ZFHX3: variants seen among roughly 807,000 people sequenced by gnomAD.
The protein encoded by ZFHX3 is zinc finger homeobox protein 3.
A neutral mutation model predicts 279.1 loss-of-function variants in ZFHX3; 42 were observed. That is an observed-to-expected ratio of 0.15 (90% CI 0.12 to 0.19). The LOEUF (loss-of-function observed/expected upper bound fraction) is 0.19. Ranked by LOEUF, ZFHX3 falls within the 10% of genes least tolerant of loss-of-function variation. The pLI, the probability that ZFHX3 is intolerant of heterozygous loss-of-function variation, is 1.00. For synonymous variants in ZFHX3, 2,293 were observed against 1,957.8 expected (o/e 1.17, Z -4.52); for missense variants, 4,981 against 4,754.0 (o/e 1.05, Z -1.40).
In ZFHX3 at chr16:73,292,867, G is replaced by A. The variant is rs560834871; in HGVS notation, c.-1194+25373C>T. Among the ~76,000 whole-genome samples, 13 of 152,254 alleles carry A rather than the reference G, an allele frequency of 8.5e-5. No individual in the cohort carries two copies. In the South Asian group the frequency reaches 2.1e-3, roughly 24 times the overall value. On this transcript the variant is annotated intron_variant, in intron 4 of 17. Coordinates refer to the ZFHX3 transcript ENST00000641206. ...AAAGCTAGGAGGTATTCCTCGGGCT[G>A]GAAGCAGAAACTTTCTGGTATGTTC...
chr16:73,057,871 G>A (rs955560752), intron 1 of ZFHX3, among the ~76,000 whole-genome samples: 12 of 149,968 alleles, frequency 8.0e-5, no homozygotes, highest in African/African-American at 1.5e-4. Flanking sequence ...AGCGGTGGCG[G>A]CCGCGGCAGC....
intron 1 of ZFHX3, among the ~76,000 whole-genome samples, chr16:73,736,498 A>G (rs747917036): frequency 6.6e-6 from 1 of 152,246 alleles, no homozygotes; most frequent in Non-Finnish European, 1.5e-5. Context: ...ACTGAATTTC[A>G]TAGCCACTTT....
intron 2 of ZFHX3, among the ~76,000 whole-genome samples, chr16:73,529,306 G>A (rs1402534201): frequency 6.6e-6 from 1 of 152,182 alleles, no homozygotes; most frequent in East Asian, 1.9e-4. Context: ...CTCTTAAAAT[G>A]CCTCTATAAG....
intron 1 of ZFHX3, among the ~76,000 whole-genome samples, chr16:73,058,239 T>TCGGCGG (rs1166220874): frequency 2.9e-5 from 4 of 136,196 alleles, no homozygotes; most frequent in South Asian, 2.3e-4. Flanking sequence ...CGGCCCGGGC[T>TCGGCGG]CGGCGGCGGC....
At chr16:72,819,765 A>G (rs1469922760) in intron 5 of ZFHX3, among the ~76,000 whole-genome samples, 1 of 152,338 alleles carries the variant, frequency 6.6e-6, no homozygotes, top group South Asian at 2.1e-4. Context: ...TAGATGTTTT[A>G]AAACACCCTC....
intron 1 of ZFHX3, among the ~76,000 whole-genome samples, chr16:73,799,318 T>C (rs1337075010): frequency 2.6e-5 from 4 of 152,238 alleles, no homozygotes; most frequent in African/African-American, 9.6e-5. Flanking sequence ...TGAGTGTAAA[T>C]GATGTGTATC....
chr16:73,344,197 CA>C (rs578197399), intron 3 of ZFHX3, among the ~76,000 whole-genome samples: 1 of 152,138 alleles, frequency 6.6e-6, no homozygotes, highest in Non-Finnish European at 1.5e-5. Flanking sequence ...GGCACTGACC[CA>C]AAATCATATC....
chr16:73,108,774 C>G (rs770309694), intron 7 of ZFHX3, among the ~76,000 whole-genome samples: 1 of 152,220 alleles, frequency 6.6e-6, no homozygotes, highest in Non-Finnish European at 1.5e-5. Context: ...GGTCTTATTA[C>G]CTGTTGATTA....
At chr16:73,232,490 G>C (rs1479496944) in intron 5 of ZFHX3, 1 of 152,172 alleles carries the variant, frequency 6.6e-6, no homozygotes, top group East Asian at 1.9e-4. Flanking sequence ...TCAAAACCAA[G>C]GAATGGACAC....
intron 8 of ZFHX3, among the ~76,000 whole-genome samples, chr16:73,089,652 T>C (rs1453054250): frequency 1.3e-5 from 2 of 152,160 alleles, no homozygotes; most frequent in East Asian, 3.9e-4. Context: ...ATCCTGTGAT[T>C]CAAGATTCAT....
intron 1 of ZFHX3, among the ~76,000 whole-genome samples, chr16:73,009,838 T>C (rs915166230): frequency 6.6e-6 from 1 of 151,852 alleles, no homozygotes; most frequent in African/African-American, 2.4e-5. Context: ...CTGACCAAAA[T>C]GGCAAAACCC....
chr16:73,064,288 C>T (rs1965720012), upstream of ZFHX3, among the ~76,000 whole-genome samples: 1 of 152,026 alleles, frequency 6.6e-6, no homozygotes, highest in Non-Finnish European at 1.5e-5. Context: ...CCTCCCCTGA[C>T]TCTCACTCCA....
intron 1 of ZFHX3, among the ~76,000 whole-genome samples, chr16:73,697,370 C>T (rs559439918): frequency 6.6e-6 from 1 of 152,230 alleles, no homozygotes; most frequent in South Asian, 2.1e-4. Flanking sequence ...ACAAATGAAT[C>T]ACAGTTTCAA....
At chr16:72,965,037 C>G (rs1961765572) in intron 1 of ZFHX3, among the ~76,000 whole-genome samples, 1 of 151,196 alleles carries the variant, frequency 6.6e-6, no homozygotes, top group African/African-American at 2.4e-5. Flanking sequence ...ACCACCACGT[C>G]TGGCTAACTT....
chr16:73,440,503 GAA>G (rs1360768788), intron 3 of ZFHX3, among the ~76,000 whole-genome samples: 12 of 152,290 alleles, frequency 7.9e-5, no homozygotes, highest in Admixed American at 7.8e-4. Flanking sequence ...GCCTGCCACG[GAA>G]AGTCTCCAGA....
intron 2 of ZFHX3, among the ~76,000 whole-genome samples, chr16:73,599,759 C>A (rs1418312834): frequency 6.8e-6 from 1 of 147,252 alleles, no homozygotes; most frequent in Non-Finnish European, 1.5e-5. Flanking sequence ...ACAACCTAAA[C>A]CTTTAACAGC....
chr16:73,374,173 G>A (rs556576397), intron 3 of ZFHX3, among the ~76,000 whole-genome samples: 2 of 152,202 alleles, frequency 1.3e-5, no homozygotes, highest in Admixed American at 6.5e-5. Flanking sequence ...AAAGAGAGCA[G>A]GTGGGTTATT....
At chr16:73,420,915 C>T (rs2017705976) in intron 3 of ZFHX3, 1 of 152,052 alleles carries the variant, frequency 6.6e-6, no homozygotes, top group Admixed American at 6.5e-5. Context: ...ATTTTTTTCC[C>T]CTCTGCCAGC....
chr16:72,885,296 T>C lies in ZFHX3; in HGVS notation c.3448+4435A>G, dbSNP rs76842699. Among the ~76,000 whole-genome samples, 891 of 152,382 alleles carry C rather than the reference T, an allele frequency of 5.8e-3. 22 individuals are homozygous for C. The highest frequency in any genetic ancestry group is 0.056 in the East Asian group (292 of 5,192). The stretch of plus-strand genomic sequence containing the variant: ...TGGCGGCCAAGGCTCTGTCCACTGG[T>C]GCAGGGCAGGACTTAGATGTACGTG... On this transcript the variant is annotated intron_variant, in intron 4 of 9. Transcript: ENST00000268489.
Sources: allele counts gnomAD v4.1 joint callset (sites outside exome capture counted in the v4.1 genomes callset), GRCh38; gene constraint gnomAD v4.1.1; transcripts MANE v1.5; gene names NCBI Gene and HGNC (gene_info 2026-07-23, HGNC 2026-07-21).